Variants in SLC35F4 observed in about 807,000 individuals in gnomAD.
SLC35F4 encodes chromosome 14 open reading frame 36.
In SLC35F4, 24 loss-of-function variants were observed where a neutral mutation model predicts 44.2. That is an observed-to-expected ratio of 0.54 (90% CI 0.39 to 0.76). The LOEUF (loss-of-function observed/expected upper bound fraction) is 0.76. Ranked by LOEUF, SLC35F4 falls within the 30% of genes least tolerant of loss-of-function variation. The pLI, the probability that SLC35F4 is intolerant of heterozygous loss-of-function variation, is 0.00. For synonymous variants in SLC35F4, 238 were observed against 223.6 expected, an observed-to-expected ratio of 1.06 and a Z score of -0.57; for missense variants, 562 against 586.1, an observed-to-expected ratio of 0.96 and a Z score of 0.42.
intron 1 of SLC35F4, among the ~76,000 whole-genome samples, chr14:57,923,924 C>T (rs548186099): frequency 5.3e-5 from 8 of 152,332 alleles, no homozygotes; most frequent in South Asian, 2.1e-4. Context: ...ACAATTCCCA[C>T]GTGTAGTGGG....
At chr14:57,767,953 A>G (rs2077273142) in intron 1 of SLC35F4, among the ~76,000 whole-genome samples, 1 of 152,202 alleles carries the variant, frequency 6.6e-6, no homozygotes, top group South Asian at 2.1e-4. Context: ...AACTCTATCA[A>G]GGTGAACTAG....
intron 4 of SLC35F4, chr14:57,580,602 G>T: frequency 3.5e-6 from 1 of 288,538 alleles, no homozygotes; most frequent in Non-Finnish European, 6.9e-6. Flanking sequence ...ACTCCTGAAA[G>T]GAATAAACTC....
At chr14:57,830,515 T>C (rs1029039206) in intron 1 of SLC35F4, among the ~76,000 whole-genome samples, 5 of 152,186 alleles carry the variant, frequency 3.3e-5, no homozygotes, top group Non-Finnish European at 5.9e-5. Flanking sequence ...TCCTAAAAGA[T>C]ATTTCTTAGA....
intron 1 of SLC35F4, among the ~76,000 whole-genome samples, chr14:57,705,040 T>C (rs1449088170): frequency 1.3e-5 from 2 of 152,180 alleles, no homozygotes; most frequent in Admixed American, 6.5e-5. Context: ...TAAAGAATAA[T>C]GTATAGTTCT....
At chr14:57,982,615 G>A (rs1881413627), upstream of SLC35F4, among the ~76,000 whole-genome samples, 1 of 152,144 alleles carries the variant, frequency 6.6e-6, no homozygotes, top group African/African-American at 2.4e-5. Context: ...TGTTGGGAAT[G>A]GAAAGAACAT....
chr14:57,907,364 G>C (rs1264258472), intron 1 of SLC35F4, among the ~76,000 whole-genome samples: 1 of 152,054 alleles, frequency 6.6e-6, no homozygotes, highest in Non-Finnish European at 1.5e-5. Context: ...TTGTTGTGGT[G>C]GTCTGGAATC....
At chr14:57,694,374 A>G (rs1045684152) in intron 1 of SLC35F4, among the ~76,000 whole-genome samples, 57 of 152,198 alleles carry the variant, frequency 3.7e-4, no homozygotes, top group Non-Finnish European at 3.7e-4. Flanking sequence ...TCCTTTACAT[A>G]AACAGGATCA....
intron 1 of SLC35F4, among the ~76,000 whole-genome samples, chr14:57,694,925 G>A (rs1294882065): frequency 1.3e-5 from 2 of 152,008 alleles, no homozygotes; most frequent in African/African-American, 4.8e-5. Flanking sequence ...TCCTCTGTAA[G>A]TTCTTTTGGA....
chr14:57,886,569 T>C (rs1888651130), intron 1 of SLC35F4, among the ~76,000 whole-genome samples: 1 of 152,170 alleles, frequency 6.6e-6, no homozygotes. Flanking sequence ...GGAATTAATA[T>C]ATTTTTCCAT....
chr14:57,952,242 C>T (rs796536812), intron 1 of SLC35F4, among the ~76,000 whole-genome samples: 2 of 152,112 alleles, frequency 1.3e-5, no homozygotes, highest in South Asian at 2.1e-4. Context: ...ATAGCATCAA[C>T]ATCAACAAAA....
chr14:57,937,713 C>T (rs1388983904), intron 1 of SLC35F4, among the ~76,000 whole-genome samples: 1 of 151,842 alleles, frequency 6.6e-6, no homozygotes, highest in African/African-American at 2.4e-5. Flanking sequence ...AGAAAGTTTG[C>T]TGATGGTAAA....
intron 1 of SLC35F4, among the ~76,000 whole-genome samples, chr14:57,613,763 G>C (rs551028814): frequency 5.3e-5 from 8 of 152,334 alleles, no homozygotes; most frequent in African/African-American, 1.9e-4. Context: ...AGGTGACCTG[G>C]AAGAGAAAGA....
downstream of SLC35F4, chr14:57,976,651 T>C (rs898431825): frequency 5.9e-5 from 9 of 152,208 alleles, no homozygotes; most frequent in East Asian, 1.2e-3. Flanking sequence ...TGGACAACCA[T>C]GAACTTAAAT....
At chr14:57,673,721 G>C (rs1290123794) in intron 1 of SLC35F4, among the ~76,000 whole-genome samples, 1 of 151,976 alleles carries the variant, frequency 6.6e-6, no homozygotes, top group Non-Finnish European at 1.5e-5. Context: ...ATTTTTTGAG[G>C]AAAACATATG....
intron 1 of SLC35F4, among the ~76,000 whole-genome samples, chr14:57,929,377 GAAAACCCAAA>G (rs1566932001): frequency 2.6e-5 from 4 of 151,750 alleles, no homozygotes; most frequent in African/African-American, 9.7e-5. Context: ...AAATGTTTGG[GAAAACCCAAA>G]CATTTATTTG....
At chr14:57,808,125 G>A (rs1017189518) in intron 1 of SLC35F4, among the ~76,000 whole-genome samples, 12 of 151,860 alleles carry the variant, frequency 7.9e-5, no homozygotes, top group African/African-American at 2.7e-4. Context: ...TGAGAGTTGG[G>A]TGGTGACACA....
intron 1 of SLC35F4, among the ~76,000 whole-genome samples, chr14:57,692,160 G>A (rs2075253174): frequency 1.3e-5 from 2 of 152,098 alleles, no homozygotes; most frequent in Admixed American, 6.5e-5. Context: ...TCTCTATATT[G>A]CATCCAATAG....
intron 1 of SLC35F4, among the ~76,000 whole-genome samples, chr14:57,790,122 A>C (rs1335372785): frequency 6.6e-6 from 1 of 152,204 alleles, no homozygotes; most frequent in Non-Finnish European, 1.5e-5. Context: ...CCTATTCAAC[A>C]TGTTATTGGA....
At chr14:57,705,953 T>A (rs866850314) in intron 1 of SLC35F4, among the ~76,000 whole-genome samples, 1 of 152,156 alleles carries the variant, frequency 6.6e-6, no homozygotes, top group Non-Finnish European at 1.5e-5. Context: ...TCAGGGTACA[T>A]GCCTAGTGCT....
Sources: gnomAD v4.1 joint callset for allele counts (sites outside exome capture counted in the v4.1 genomes callset) on GRCh38, gnomAD v4.1.1 for gene constraint, MANE v1.5 for transcripts, NCBI Gene and HGNC (gene_info 2026-07-23, HGNC 2026-07-21) for gene names.